The following SLC4A8 variants were observed in gnomAD, a reference collection of about 807,000 sequenced individuals.
The protein encoded by SLC4A8 is solute carrier family 4 member 8.
SLC4A8 carries 40 observed loss-of-function variants against 125.0 expected under a neutral mutation model. The ratio of observed to expected loss-of-function variants is 0.32; its 90% CI spans 0.25 to 0.42. SLC4A8 has a LOEUF of 0.42. Among genes scored for constraint, SLC4A8 ranks in the 10% least tolerant of loss-of-function variants. The pLI is 1.00. For missense variants in SLC4A8, 863 were observed against 1,355.1 expected, an observed-to-expected ratio of 0.64 and a Z score of 5.70; for synonymous variants, 456 against 476.0, an observed-to-expected ratio of 0.96 and a Z score of 0.55.
Position 51,512,064 on chromosome 12 carries a change from C to T in SLC4A8, c.*4626C>T, listed in dbSNP as rs1938383959. ...GGGATTGTTGGAATTTTGCATGTGT[C>T]TGTTCCATATCCCGCTGGTAACCAG... On this transcript the variant is annotated 3_prime_UTR_variant, in exon 25 of 25. Transcript: ENST00000453097. 1 of 152,232 alleles carries T rather than the reference C, an allele frequency of 6.6e-6. No homozygotes were observed. The highest frequency in any genetic ancestry group is 2.4e-5 in the African/African-American group (1 of 41,456). 9.4% of individuals were successfully genotyped at this position (152,232 alleles called of 1,614,324 possible).
At chr12:51,392,835 T>G (rs1246516902) in intron 1 of SLC4A8, 1 of 152,188 alleles carries the variant, frequency 6.6e-6, no homozygotes, top group Non-Finnish European at 1.5e-5. Flanking sequence ...CGGCGCTGCC[T>G]CGTGTGCTGC....
chr12:51,469,507 T>A lies in SLC4A8; in HGVS notation c.1350-107T>A, dbSNP rs370838193. On this transcript the variant is annotated intron_variant, in intron 11 of 24. Transcript: ENST00000453097. ...TACTGGGGTCAAACTGAAGCCAAAG[T>A]CTTACCGCTGAACAGAGCACATTTG... 2.4e-5 allele frequency: 23 copies of A among 971,410 alleles called. No individual in the cohort carries two copies. The East Asian group carries it at 4.1e-4, about 17-fold the overall frequency. The allele number at this position is 971,410 out of a possible 1,614,324, so 60.2% of individuals were successfully genotyped here.
Position 51,512,351 on chromosome 12 carries a change from T to G in SLC4A8, c.*4913T>G, listed in dbSNP as rs1194399934. 6.6e-6 allele frequency: 1 copy of G among 152,228 alleles called. No homozygotes were observed. Among genetic ancestry groups the G allele is most frequent in the Non-Finnish European group, 1.5e-5 (1 of 68,054 alleles). The allele number at this position is 152,228 out of a possible 1,614,324, so 9.4% of individuals were successfully genotyped here. The stretch of plus-strand genomic sequence containing the variant: ...GTGCTCCATATCTTGAGGGGAGCTC[T>G]CTTGGTTTCCTTTGGCCGGGTCTGT... On this transcript the variant is annotated 3_prime_UTR_variant, in exon 25 of 25. Transcript: ENST00000453097.
intron 16 of SLC4A8, chr12:51,480,265 A>G: frequency 3.9e-6 from 5 of 1,270,118 alleles, no homozygotes; most frequent in African/African-American, 1.5e-5. Flanking sequence ...GAGAGTTGGG[A>G]AAAACTGGAG....
intron 1 of SLC4A8, among the ~76,000 whole-genome samples, chr12:51,412,310 T>G (rs1425873136): frequency 6.6e-6 from 1 of 152,212 alleles, no homozygotes; most frequent in South Asian, 2.1e-4. Context: ...AGTTGATGCA[T>G]AATAATTATA....
At chr12:51,476,914 T>C (rs1443429736) in intron 16 of SLC4A8, among the ~76,000 whole-genome samples, 30 of 150,158 alleles carry the variant, frequency 2.0e-4, no homozygotes, top group African/African-American at 6.6e-4. Context: ...TTCTTTTTTT[T>C]TTTTTTTTTC....
chr12:51,441,192 AACCCTATTTTT>A, intron 2 of SLC4A8: 1 of 984,324 alleles, frequency 1.0e-6, no homozygotes, highest in South Asian at 4.7e-5. Context: ...TTGGCTACAA[AACCCTATTTTT>A]ACCCCATTTC....
intron 16 of SLC4A8, among the ~76,000 whole-genome samples, chr12:51,485,507 A>G (rs547928737): frequency 6.6e-6 from 1 of 152,330 alleles, no homozygotes; most frequent in South Asian, 2.1e-4. Flanking sequence ...TCTCAGAACT[A>G]GAGTCCCAAC....
intron 5 of SLC4A8, among the ~76,000 whole-genome samples, chr12:51,454,925 C>A (rs1258414704): frequency 5.8e-5 from 2 of 34,600 alleles, no homozygotes; most frequent in African/African-American, 2.5e-4. Flanking sequence ...TTGGACAATA[C>A]CTGGCTTTCC....
chr12:51,429,054 C>T (rs1012589393), intron 1 of SLC4A8, among the ~76,000 whole-genome samples: 4 of 152,022 alleles, frequency 2.6e-5, no homozygotes, highest in East Asian at 1.9e-4. Flanking sequence ...GGATTACAGG[C>T]GCCTGCCACC....
intron 2 of SLC4A8, among the ~76,000 whole-genome samples, chr12:51,443,780 G>A (rs771917286): frequency 6.6e-6 from 1 of 152,128 alleles, no homozygotes; most frequent in Admixed American, 6.5e-5. Flanking sequence ...CAGAGGAGCC[G>A]AGCACCCTGT....
chr12:51,451,368 C>G (rs1162345982), intron 3 of SLC4A8, among the ~76,000 whole-genome samples: 2 of 152,148 alleles, frequency 1.3e-5, no homozygotes, highest in Non-Finnish European at 2.9e-5. Flanking sequence ...CTTGACCTCC[C>G]AAGGTACTGG....
intron 11 of SLC4A8, among the ~76,000 whole-genome samples, chr12:51,464,735 G>A (rs1376674626): frequency 1.3e-5 from 2 of 152,196 alleles, no homozygotes; most frequent in East Asian, 3.8e-4. Context: ...CTCCTTGCTT[G>A]AGGTTGCTTT....
intron 10 of SLC4A8, 178 bp downstream of exon 10, chr12:51,462,634 T>A: frequency 2.2e-6 from 1 of 458,484 alleles, no homozygotes; most frequent in Non-Finnish European, 3.7e-6. Flanking sequence ...GGCTCACACC[T>A]GTAATCTCAG....
intron 1 of SLC4A8, among the ~76,000 whole-genome samples, chr12:51,398,053 C>A (rs775079281): frequency 1.3e-5 from 2 of 152,090 alleles, no homozygotes; most frequent in African/African-American, 2.4e-5. Flanking sequence ...GGATTAAATC[C>A]GTGAGCCACT....
At chr12:51,441,412 T>C (rs2138131047) in intron 2 of SLC4A8, among the ~76,000 whole-genome samples, 1 of 152,298 alleles carries the variant, frequency 6.6e-6, no homozygotes, top group South Asian at 2.1e-4. Context: ...ATTTCAGCTC[T>C]TCCTTTCTCT....
chr12:51,409,914 T>C (rs1208350157), intron 1 of SLC4A8, among the ~76,000 whole-genome samples: 3 of 152,020 alleles, frequency 2.0e-5, no homozygotes, highest in Admixed American at 6.5e-5. Flanking sequence ...AAGAGGAAAA[T>C]GTGGTATGGG....
chr12:51,495,270 C>G, intron 21 of SLC4A8, 152 bp downstream of exon 21: 1 of 657,586 alleles, frequency 1.5e-6, no homozygotes, highest in Non-Finnish European at 2.5e-6. Flanking sequence ...CCCTCCAGCT[C>G]TGGAACTTTT....
intron 16 of SLC4A8, chr12:51,480,261 T>A (rs1231814724): frequency 7.9e-7 from 1 of 1,268,942 alleles, no homozygotes; most frequent in South Asian, 1.3e-5. Flanking sequence ...GATTGAGAGT[T>A]GGGAAAAACT....
Sources: gnomAD v4.1 joint callset for allele counts (sites outside exome capture counted in the v4.1 genomes callset) on GRCh38, gnomAD v4.1.1 for gene constraint, MANE v1.5 for transcripts, NCBI Gene and HGNC (gene_info 2026-07-23, HGNC 2026-07-21) for gene names.